Variants in TMEM117 observed in about 807,000 individuals in gnomAD.
The protein encoded by TMEM117 is transmembrane protein 117.
In TMEM117, 27 loss-of-function variants were observed where a neutral mutation model predicts 52.4. The observed-to-expected ratio is 0.51, with a 90% confidence interval of 0.38 to 0.71. The LOEUF is 0.71. Among genes scored for constraint, TMEM117 ranks in the 30% least tolerant of loss-of-function variants. The pLI, the probability that TMEM117 is intolerant of heterozygous loss-of-function variation, is 0.00. For missense variants in TMEM117, 556 were observed against 630.5 expected (o/e 0.88, Z 1.26); for synonymous variants, 215 against 206.3 (o/e 1.04, Z -0.36).
chr12:44,028,147 C>T (rs1411266854), intron 3 of TMEM117, among the ~76,000 whole-genome samples: 3 of 152,078 alleles, frequency 2.0e-5, no homozygotes, highest in African/African-American at 2.4e-5. Flanking sequence ...GAGCCGAGAT[C>T]GCACCACTGC....
Position 43,890,555 on chromosome 12 carries a change from C to T in TMEM117, c.277+45627C>T, listed in dbSNP as rs192028192. Reference sequence around the variant, plus strand: ...TTTTTTTTTGTTTTTGTTTTTGAGACGGAGTTTTGCTCGTCACCCAGGCTG... The same window carrying T: ...TTTTTTTTTGTTTTTGTTTTTGAGATGGAGTTTTGCTCGTCACCCAGGCTG... On this transcript the variant is annotated intron_variant, in intron 2 of 7. Coordinates refer to ENST00000266534, the MANE Select transcript of TMEM117 (RefSeq NM_032256.3). Among the ~76,000 whole-genome samples the T allele has an allele frequency of 5.3e-4, 81 of 151,432 alleles. 1 individual carries two copies. The highest frequency in any genetic ancestry group is 4.1e-3 in the Admixed American group (63 of 15,208).
At chr12:43,952,048 CCTGA>C (rs201176682) in intron 3 of TMEM117, among the ~76,000 whole-genome samples, 1,606 of 152,216 alleles carry the variant, frequency 0.011, 28 homozygotes, top group East Asian at 0.042. Context: ...AGAAGAGGGG[CCTGA>C]CTGTTAGAAG....
chr12:44,039,001 C>G (rs995320438), intron 3 of TMEM117, among the ~76,000 whole-genome samples: 1 of 152,180 alleles, frequency 6.6e-6, no homozygotes, highest in East Asian at 1.9e-4. Flanking sequence ...AAATGCCAGA[C>G]ATCATATAAT....
At chr12:43,903,167 A>C (rs1012336003) in intron 2 of TMEM117, among the ~76,000 whole-genome samples, 2 of 152,164 alleles carry the variant, frequency 1.3e-5, no homozygotes, top group Non-Finnish European at 2.9e-5. Flanking sequence ...TTTCAGAAGA[A>C]GTATTGTATA....
At chr12:44,325,053 G>A (rs978063316) in intron 6 of TMEM117, among the ~76,000 whole-genome samples, 20 of 152,072 alleles carry the variant, frequency 1.3e-4, no homozygotes, top group Non-Finnish European at 8.8e-5. Context: ...CCAACAAAGA[G>A]GACTGTATTT....
intron 2 of TMEM117, among the ~76,000 whole-genome samples, chr12:43,901,293 T>A (rs1944300126): frequency 6.6e-6 from 1 of 151,976 alleles, no homozygotes; most frequent in Non-Finnish European, 1.5e-5. Flanking sequence ...ATTTGCCCCG[T>A]TTTTTGTTTG....
intron 3 of TMEM117, among the ~76,000 whole-genome samples, chr12:43,990,002 T>G (rs1013475457): frequency 1.3e-5 from 2 of 152,146 alleles, no homozygotes; most frequent in Admixed American, 6.5e-5. Context: ...TTAGACTATA[T>G]TTCTAAAATG....
chr12:44,291,385 T>TGTTTGTTTGTCTG lies in TMEM117; in HGVS notation c.609-8195_609-8194insGTTTGTTTGTCTG, dbSNP rs1338521401. Among the ~76,000 whole-genome samples, 38 of 148,906 alleles carry TGTTTGTTTGTCTG rather than the reference T, an allele frequency of 2.6e-4. No homozygotes were observed. In the South Asian group the frequency reaches 5.9e-3, roughly 23 times the overall value. ...TATTAGTTCTAACAGTTTTTTTTTT[T>TGTTTGTTTGTCTG]TTTTTTTTTTTTGGTGGAGTCTTTA... On this transcript the variant is annotated intron_variant, in intron 5 of 7. Transcript: ENST00000266534.
At chr12:44,290,498 A>G (rs1950691190) in intron 5 of TMEM117, among the ~76,000 whole-genome samples, 1 of 152,038 alleles carries the variant, frequency 6.6e-6, no homozygotes, top group South Asian at 2.1e-4. Flanking sequence ...AGATTAGTTG[A>G]CTGTCTATGT....
At chr12:44,294,816 G>C (rs1349887869) in intron 5 of TMEM117, among the ~76,000 whole-genome samples, 5 of 152,198 alleles carry the variant, frequency 3.3e-5, no homozygotes, top group Admixed American at 3.3e-4. Context: ...ACAAGAAAGA[G>C]CAGGACAGAG....
chr12:43,959,919 C>A (rs1945374577), intron 3 of TMEM117, among the ~76,000 whole-genome samples: 1 of 152,050 alleles, frequency 6.6e-6, no homozygotes, highest in Admixed American at 6.5e-5. Context: ...TAGCTAAACA[C>A]AGCATTTAGG....
chr12:44,005,916 T>C (rs1946187239), intron 3 of TMEM117, among the ~76,000 whole-genome samples: 1 of 152,230 alleles, frequency 6.6e-6, no homozygotes, highest in Non-Finnish European at 1.5e-5. Flanking sequence ...GTGTAAGACA[T>C]GGCTTTCTCC....
At position 44,376,628 on chromosome 12, in the gene TMEM117, G is replaced by T. The variant is rs1015075972; in HGVS notation, c.802G>T (p.Asp268Tyr). The part of the protein sequence containing the change: ...WEFPHFMGDV[D>Y]VNLPGLHTPH... ...ATTCCCACATTTCATGGGAGATGTT[G>T]ATGTAAATCTCCCTGGTTTGCACAC... is the stretch of plus-strand genomic sequence containing the variant. The change falls in exon 7 of 8, where the codon GAT (aspartate) becomes TAT (tyrosine). Residue 268 changes from aspartate (D) to tyrosine (Y), a missense_variant. By Grantham distance (160) the Asp-to-Tyr change is radical. Transcript: ENST00000266534. The T allele has an allele frequency of 6.2e-7, 1 of 1,608,912 alleles. No individual in the cohort carries two copies. Among genetic ancestry groups the T allele is most frequent in the Non-Finnish European group, 8.5e-7 (1 of 1,178,280 alleles).
intron 3 of TMEM117, among the ~76,000 whole-genome samples, chr12:44,084,530 A>G (rs562864351): frequency 3.6e-4 from 55 of 152,332 alleles, no homozygotes; most frequent in African/African-American, 1.3e-3. Context: ...AGGCAAATGT[A>G]TTATATGAAG....
At chr12:44,242,833 C>T (rs1022587458) in intron 5 of TMEM117, among the ~76,000 whole-genome samples, 1 of 151,312 alleles carries the variant, frequency 6.6e-6, no homozygotes. Flanking sequence ...TTTGAGGAAT[C>T]ACCATACTGC....
rs779959693 is a variant in TMEM117, at chr12:44,143,552, C to T, written c.438C>T (p.Gly146=). 3 of 1,613,842 alleles carry T rather than the reference C, an allele frequency of 1.9e-6. No homozygotes were observed. The highest frequency in any genetic ancestry group is 2.5e-6 in the Non-Finnish European group (3 of 1,179,816). The part of the protein sequence containing the change: ...MGAYIITDYM[G]IRNESFMKLA... Reference sequence around the variant, plus strand: ...CATATATCATTACAGACTATATGGGCATCCGAAATGAAAGTTTCATGAAAT... The same window carrying T: ...CATATATCATTACAGACTATATGGGTATCCGAAATGAAAGTTTCATGAAAT... The change falls in exon 4 of 8, where the codon GGC becomes GGT. Residue 146 remains glycine (G), a synonymous_variant. Transcript: ENST00000266534.
intron 2 of TMEM117, among the ~76,000 whole-genome samples, chr12:43,884,995 T>C (rs1047892948): frequency 6.6e-6 from 1 of 152,238 alleles, no homozygotes. Context: ...ATTTTCATAC[T>C]TTCTGCTTTC....
At chr12:44,211,498 G>T in intron 5 of TMEM117, 111 bp downstream of exon 5, 2 of 677,530 alleles carry the variant, frequency 3.0e-6, no homozygotes, top group East Asian at 5.6e-5. Context: ...GGACATTTTT[G>T]GTAGCTACTA....
chr12:43,804,018 C>A, the TMEM117 span: 3 of 225,752 alleles, frequency 1.3e-5, no homozygotes, highest in Admixed American at 5.1e-5. Context: ...TTGTTATATT[C>A]TCAGAACTTT....
Sources: gnomAD v4.1 joint callset for allele counts (sites outside exome capture counted in the v4.1 genomes callset) on GRCh38, gnomAD v4.1.1 for gene constraint, MANE v1.5 for transcripts, NCBI Gene and HGNC (gene_info 2026-07-23, HGNC 2026-07-21) for gene names.